The following ATG13 variants were observed in gnomAD, a reference collection of about 807,000 sequenced individuals.
ATG13 encodes autophagy related 13.
A neutral mutation model predicts 65.5 loss-of-function variants in ATG13; 23 were observed. The observed-to-expected ratio is 0.35, with a 90% confidence interval of 0.25 to 0.50. The LOEUF (loss-of-function observed/expected upper bound fraction) is 0.50, where lower values mean the gene tolerates loss of function less well. Among genes scored for constraint, ATG13 ranks in the 20% least tolerant of loss-of-function variants. The pLI, the probability that ATG13 is intolerant of heterozygous loss-of-function variation, is 0.98. For synonymous variants in ATG13, 252 were observed against 245.2 expected (o/e 1.03, Z -0.26); for missense variants, 566 against 677.0 (o/e 0.84, Z 1.82).
At chr11:46,665,604 A>C in intron 14 of ATG13, 85 bp downstream of exon 14, 1 of 1,515,170 alleles carries the variant, frequency 6.6e-7, no homozygotes, top group East Asian at 2.3e-5. Context: ...AGAATTAGTA[A>C]AGAGTAACTT....
At position 46,632,995 on chromosome 11, in the gene ATG13, T is replaced by TA. The variant is rs369521444; in HGVS notation, c.-14+2904dup. Among the ~76,000 whole-genome samples, 601 of 104,226 alleles carry TA rather than the reference T, an allele frequency of 5.8e-3. 4 individuals carry two copies. Among genetic ancestry groups the TA allele is most frequent in the African/African-American group, 0.017 (374 of 21,444 alleles). The allele number at this position is 104,226 out of a possible 152,430, so 68.4% of individuals were successfully genotyped here. A position where few individuals can be genotyped will look rare whatever the true frequency, so the allele number is the denominator to read the frequency against. ...CTGGGCGACAGAGCAAGACCCCCAT[T>TA]AAAAAAAAATATATATATATATATA... On this transcript the variant is annotated intron_variant, in intron 2 of 18. Coordinates refer to ENST00000683050, the MANE Select transcript of ATG13 (RefSeq NM_001346311.2).
chr11:46,634,826 C>G (rs2053369054), intron 2 of ATG13, among the ~76,000 whole-genome samples: 1 of 151,904 alleles, frequency 6.6e-6, no homozygotes. Flanking sequence ...CTCAGCCTCC[C>G]CAGTAGCTGG....
Position 46,672,246 on chromosome 11 carries a change from C to T in ATG13, c.1576-9C>T, listed in dbSNP as rs747308361. 1 of 1,614,122 alleles carries T rather than the reference C, an allele frequency of 6.2e-7. No individual in the cohort carries two copies. The highest frequency in any genetic ancestry group is 1.1e-5 in the South Asian group (1 of 91,078). Reference sequence around the variant, plus strand: ...GAATAAACGGCTCTTCCCTCTCTTTCCGGTACAGGACTCATTACCAGAGAA... The same window carrying T: ...GAATAAACGGCTCTTCCCTCTCTTTTCGGTACAGGACTCATTACCAGAGAA... On this transcript the variant is annotated splice_polypyrimidine_tract_variant and intron_variant, in intron 18 of 18. Coordinates refer to ENST00000683050, the MANE Select transcript of ATG13 (RefSeq NM_001346311.2).
In ATG13 at chr11:46,672,432, C is replaced by T; in HGVS notation, c.*100C>T. ...TCCCACCCCTCATCCTGCTCTGAGC[C>T]AGGTGGAAGGGAGGCTGGCTTCTCC... On this transcript the variant is annotated 3_prime_UTR_variant, in exon 19 of 19. Coordinates refer to ENST00000683050, the MANE Select transcript of ATG13 (RefSeq NM_001346311.2). The T allele has an allele frequency of 6.3e-7, 1 of 1,597,758 alleles. No individual in the cohort carries two copies. Among genetic ancestry groups the T allele is most frequent in the Non-Finnish European group, 8.5e-7 (1 of 1,170,898 alleles).
At chr11:46,648,776 TTAA>T in intron 5 of ATG13, 2 of 151,834 alleles carry the variant, frequency 1.3e-5, no homozygotes, top group Non-Finnish European at 2.8e-5. Context: ...GACTCTGTCT[TTAA>T]AAAAAAAAAA....
In ATG13 at chr11:46,633,428, A is replaced by C. The variant is rs971660135; in HGVS notation, c.-14+3328A>C. Among the ~76,000 whole-genome samples, 7 of 150,576 alleles carry C rather than the reference A, an allele frequency of 4.6e-5. No homozygotes were observed. The Admixed American group carries it at 4.7e-4, about 10-fold the overall frequency. On this transcript the variant is annotated intron_variant, in intron 2 of 18. Coordinates refer to ENST00000683050, the MANE Select transcript of ATG13 (RefSeq NM_001346311.2). ...CAATGGCGCAATCTTGGCTCGTGCA[A>C]CCTCCGCCCCCTGTATTCAAGTGAT...
chr11:46,634,343 C>G (rs928470786), intron 2 of ATG13, among the ~76,000 whole-genome samples: 1 of 151,850 alleles, frequency 6.6e-6, no homozygotes. Context: ...TGTGATCCAC[C>G]GGCCTCGGCC....
intron 11 of ATG13, 35 bp from the exon 12 acceptor site, chr11:46,663,962 T>TTTTTTTTTTCCTTTC: frequency 8.1e-7 from 1 of 1,227,216 alleles, no homozygotes; most frequent in Non-Finnish European, 1.1e-6. Flanking sequence ...TTTTTTTTTT[T>TTTTTTTTTTCCTTTC]TGTTTCTCCT....
chr11:46,634,047 C>G (rs182651166), intron 2 of ATG13, among the ~76,000 whole-genome samples: 6 of 152,142 alleles, frequency 3.9e-5, no homozygotes. Flanking sequence ...CCTCTGATCG[C>G]CTTTTTGAAG....
chr11:46,670,207 G>A (rs1440204006), intron 18 of ATG13, among the ~76,000 whole-genome samples: 6 of 152,204 alleles, frequency 3.9e-5, no homozygotes, highest in Non-Finnish European at 5.9e-5. Context: ...TAATAGCCAG[G>A]TGCAGTGGCT....
At chr11:46,670,271 A>C (rs1473658258) in intron 18 of ATG13, among the ~76,000 whole-genome samples, 1 of 152,028 alleles carries the variant, frequency 6.6e-6, no homozygotes, top group African/African-American at 2.4e-5. Context: ...TCACAAGGTC[A>C]GGAGTTCGAG....
Position 46,619,439 on chromosome 11 carries a change from C to T in ATG13, c.-70+1549C>T, listed in dbSNP as rs370635306. 5.1e-4 allele frequency among the ~76,000 whole-genome samples: 60 copies of T among 117,810 alleles called. No homozygotes were observed. The South Asian group carries it at 0.016, about 32-fold the overall frequency. The allele number at this position is 117,810 out of a possible 152,430, so 77.3% of individuals were successfully genotyped here. A position where few individuals can be genotyped will look rare whatever the true frequency, so the allele number is the denominator to read the frequency against. On this transcript the variant is annotated intron_variant, in intron 1 of 18. Coordinates refer to ENST00000683050, the MANE Select transcript of ATG13 (RefSeq NM_001346311.2). ...CACTCTGGTTGCCCAGGCTAGAGTG[C>T]GGTGGCGGGAACTCGGCCCACTGCA...
intron 2 of ATG13, among the ~76,000 whole-genome samples, chr11:46,637,495 C>T (rs1299207368): frequency 1.3e-5 from 2 of 152,136 alleles, no homozygotes; most frequent in African/African-American, 2.4e-5. Flanking sequence ...GCCCAAGCCT[C>T]CCGAGCAGCT....
intron 1 of ATG13, among the ~76,000 whole-genome samples, chr11:46,619,795 C>T (rs1190855496): frequency 1.3e-5 from 2 of 151,544 alleles, no homozygotes; most frequent in African/African-American, 4.8e-5. Flanking sequence ...TTTGGGGGGC[C>T]GAGGCAGGCG....
chr11:46,636,354 G>A lies in ATG13; in HGVS notation c.-14+6254G>A, dbSNP rs561475789. Among the ~76,000 whole-genome samples, 12 of 151,924 alleles carry A rather than the reference G, an allele frequency of 7.9e-5. No homozygotes were observed. In the South Asian group the frequency reaches 2.3e-3, roughly 29 times the overall value. ...GGGTGGATCATGAGGTCAGGAGATC[G>A]AGACCATCCTGGCTAACACAGTGAA... On this transcript the variant is annotated intron_variant, in intron 2 of 18. Transcript: ENST00000683050.
chr11:46,663,918 T>G, intron 11 of ATG13, 79 bp from the exon 12 acceptor site: 3 of 1,087,606 alleles, frequency 2.8e-6, no homozygotes, highest in South Asian at 1.5e-5. Context: ...TTCCAGAGTT[T>G]CTTCACTTCT....
chr11:46,648,827 C>T (rs1353528011), intron 5 of ATG13: 2 of 177,350 alleles, frequency 1.1e-5, no homozygotes, highest in East Asian at 1.3e-4. Flanking sequence ...CCTTTATGTC[C>T]AAGAATTGGA....
intron 2 of ATG13, among the ~76,000 whole-genome samples, chr11:46,643,125 C>A (rs1293449888): frequency 6.6e-6 from 1 of 152,020 alleles, no homozygotes; most frequent in Non-Finnish European, 1.5e-5. Context: ...TACAGCTGAC[C>A]CCTGATTGGT....
intron 14 of ATG13, 24 bp from the exon 15 acceptor site, chr11:46,667,749 A>G (rs1158399164): frequency 1.3e-6 from 2 of 1,561,344 alleles, no homozygotes; most frequent in South Asian, 1.1e-5. Flanking sequence ...GAGAACGAGT[A>G]CTAACTTCAC....
Sources: allele counts gnomAD v4.1 joint callset (sites outside exome capture counted in the v4.1 genomes callset), GRCh38; gene constraint gnomAD v4.1.1; transcripts MANE v1.5; gene names NCBI Gene and HGNC (gene_info 2026-07-23, HGNC 2026-07-21).